ANK3: variants seen among roughly 807,000 people sequenced by gnomAD.
The protein encoded by ANK3 is ankyrin-3.
In ANK3, 57 loss-of-function variants were observed where a neutral mutation model predicts 370.9. The ratio of observed to expected loss-of-function variants is 0.15; its 90% confidence interval spans 0.12 to 0.19. The LOEUF is 0.19. ANK3 is among the 10% of genes least tolerant of loss of function. The probability of loss-of-function intolerance (pLI) is 1.00; values close to 1 mark genes in which losing one functional copy is unlikely to be tolerated. For synonymous variants in ANK3, 1,929 were observed against 1,946.3 expected, an observed-to-expected ratio of 0.99 and a Z score of 0.23; for missense variants, 4,439 against 5,302.1, an observed-to-expected ratio of 0.84 and a Z score of 5.06.
chr10:60,145,957 G>C (rs1334655744), intron 23 of ANK3: 1 of 792,816 alleles, frequency 1.3e-6, no homozygotes, highest in Non-Finnish European at 2.1e-6. Context: ...GCAAAGAGGA[G>C]GGAGACTTAC....
chr10:60,287,739 T>G (rs1038511701), intron 1 of ANK3, among the ~76,000 whole-genome samples: 1 of 152,164 alleles, frequency 6.6e-6, no homozygotes, highest in Admixed American at 6.5e-5. Context: ...GTCTGCTTGA[T>G]AGCAAGCCCA....
At chr10:60,104,357 C>CAAAAAAAAAAAAAAAAAAAAAAAAAAAAA (rs747064489) in intron 28 of ANK3, among the ~76,000 whole-genome samples, 9 of 53,762 alleles carry the variant, frequency 1.7e-4, no homozygotes, top group Non-Finnish European at 2.4e-4. Context: ...GACTCCATCT[C>CAAAAAAAAAAAAAAAAAAAAAAAAAAAAA]AAAAAAAAAA....
At chr10:60,035,802 C>T (rs961819756) in intron 43 of ANK3, among the ~76,000 whole-genome samples, 2 of 151,070 alleles carry the variant, frequency 1.3e-5, no homozygotes, top group Non-Finnish European at 3.0e-5. Context: ...CCAGCCTGAC[C>T]AACATGGAGA....
At chr10:60,543,804 T>C (rs1306142630) in intron 2 of ANK3, among the ~76,000 whole-genome samples, 4 of 152,070 alleles carry the variant, frequency 2.6e-5, no homozygotes, top group African/African-American at 7.2e-5. Flanking sequence ...TTAATTACAA[T>C]TGTCAAAACC....
chr10:60,448,049 C>T (rs1265930233), intron 2 of ANK3, among the ~76,000 whole-genome samples: 2 of 152,186 alleles, frequency 1.3e-5, no homozygotes, highest in Non-Finnish European at 2.9e-5. Context: ...CTTTGCAAAG[C>T]CCATTCATTC....
chr10:60,507,585 A>T (rs1271747780), intron 2 of ANK3: 1 of 152,068 alleles, frequency 6.6e-6, no homozygotes, highest in Non-Finnish European at 1.5e-5. Context: ...AGAACAGCAA[A>T]GAAAACCATC....
At chr10:60,684,500 T>C (rs1402675397) in intron 1 of ANK3, 2 of 1,459,188 alleles carry the variant, frequency 1.4e-6, no homozygotes, top group Non-Finnish European at 1.9e-6. Context: ...TATTTGCAGC[T>C]GGAAATGGGG....
At chr10:60,399,678 G>A (rs1340545845) in intron 2 of ANK3, among the ~76,000 whole-genome samples, 1 of 152,062 alleles carries the variant, frequency 6.6e-6, no homozygotes, top group Admixed American at 6.6e-5. Flanking sequence ...TGCTTCCGCC[G>A]GCACAAGAAA....
intron 2 of ANK3, among the ~76,000 whole-genome samples, chr10:60,516,892 T>C (rs547671410): frequency 6.6e-6 from 1 of 152,222 alleles, no homozygotes; most frequent in East Asian, 1.9e-4. Context: ...ATGCTCTTCT[T>C]AAAACCTCTG....
chr10:60,508,353 A>C (rs1422547989), intron 2 of ANK3: 1 of 152,630 alleles, frequency 6.6e-6, no homozygotes, highest in Admixed American at 6.6e-5. Context: ...TCCGCTTTGC[A>C]GGGTAGAGAT....
intron 11 of ANK3, among the ~76,000 whole-genome samples, chr10:60,203,710 G>C (rs1408975261): frequency 6.6e-6 from 1 of 152,150 alleles, no homozygotes; most frequent in African/African-American, 2.4e-5. Context: ...GACTAGACTT[G>C]AATTGCTTCA....
At chr10:60,228,251 T>A (rs1035397423) in intron 8 of ANK3, among the ~76,000 whole-genome samples, 2 of 152,192 alleles carry the variant, frequency 1.3e-5, no homozygotes, top group Non-Finnish European at 2.9e-5. Flanking sequence ...TAAAATATGA[T>A]TTTGGCCAGG....
chr10:60,711,285 C>T (rs1279611313), intron 1 of ANK3, among the ~76,000 whole-genome samples: 1 of 152,088 alleles, frequency 6.6e-6, no homozygotes, highest in Non-Finnish European at 1.5e-5. Context: ...TGGATTATTA[C>T]ACATTGCATG....
intron 2 of ANK3, among the ~76,000 whole-genome samples, chr10:60,469,671 ATATATATATG>A (rs1244760340): frequency 2.0e-5 from 2 of 98,602 alleles, no homozygotes; most frequent in Middle Eastern, 6.4e-3. Flanking sequence ...ATATATATAT[ATATATATATG>A]GTGGTATATA....
rs149745144 is a variant in ANK3 at position 60,167,183 on chromosome 10, C to T, written c.2479-287G>A. On this transcript the variant is annotated intron_variant, in intron 21 of 43. Transcript: ENST00000280772. The stretch of plus-strand genomic sequence containing the variant: ...TTCAAAGGAAAAGAGAAGATTCTGC[C>T]CCTCCTACTCCACTGCTATACTTTT... Among the ~76,000 whole-genome samples, 294 of 152,174 alleles carry T rather than the reference C, an allele frequency of 1.9e-3. 1 individual carries two copies. The highest frequency in any genetic ancestry group is 3.2e-3 in the Non-Finnish European group (220 of 68,010).
At chr10:60,310,210 C>A (rs528620015) in intron 1 of ANK3, among the ~76,000 whole-genome samples, 1 of 152,228 alleles carries the variant, frequency 6.6e-6, no homozygotes, top group Admixed American at 6.5e-5. Flanking sequence ...TAGGTTTGAG[C>A]CACTGTGCCA....
intron 7 of ANK3, among the ~76,000 whole-genome samples, chr10:60,248,218 G>T (rs1367680367): frequency 6.6e-6 from 1 of 152,118 alleles, no homozygotes; most frequent in Non-Finnish European, 1.5e-5. Flanking sequence ...TGGATCATAC[G>T]TTAACTGTAT....
intron 1 of ANK3, among the ~76,000 whole-genome samples, chr10:60,347,211 A>G (rs190627880): frequency 5.7e-4 from 87 of 151,814 alleles, no homozygotes; most frequent in African/African-American, 2.1e-3. Context: ...ATGATTATAA[A>G]CTGTACATAG....
chr10:60,320,301 A>T (rs2048345001), intron 1 of ANK3, among the ~76,000 whole-genome samples: 2 of 152,204 alleles, frequency 1.3e-5, no homozygotes, highest in Admixed American at 1.3e-4. Context: ...TGTATTCAAA[A>T]AAGCACCATG....
Sources: allele counts gnomAD v4.1 joint callset (sites outside exome capture counted in the v4.1 genomes callset), GRCh38; gene constraint gnomAD v4.1.1; transcripts MANE v1.5; gene names NCBI Gene and HGNC (gene_info 2026-07-23, HGNC 2026-07-21).